Variants in AP3S2 observed in about 807,000 individuals in gnomAD.
AP3S2 encodes the protein adaptor related protein complex 3 subunit sigma 2.
AP3S2 carries 22 observed loss-of-function variants against 23.4 expected under a neutral mutation model. The ratio of observed to expected loss-of-function variants is 0.94; its 90% confidence interval spans 0.67 to 1.34. AP3S2 has a LOEUF of 1.34. Among genes scored for constraint, AP3S2 ranks in the 40% most tolerant of loss-of-function variants. The pLI is 0.00. For missense variants in AP3S2, 241 were observed against 236.9 expected (o/e 1.02, Z -0.11); for synonymous variants, 86 against 87.1 (o/e 0.99, Z 0.07).
intron 3 of AP3S2, among the ~76,000 whole-genome samples, chr15:89,883,763 G>T (rs1483565717): frequency 6.6e-6 from 1 of 152,128 alleles, no homozygotes; most frequent in Non-Finnish European, 1.5e-5. Flanking sequence ...TCTTGGTTTT[G>T]AAACTAAAAT....
intron 4 of AP3S2, among the ~76,000 whole-genome samples, chr15:89,846,492 G>A (rs1212341324): frequency 6.6e-6 from 1 of 152,022 alleles, no homozygotes; most frequent in Non-Finnish European, 1.5e-5. Context: ...CCAGTAGCTG[G>A]GACTACAGGC....
At chr15:89,857,543 TA>T (rs1895870880) in intron 4 of AP3S2, among the ~76,000 whole-genome samples, 1 of 152,228 alleles carries the variant, frequency 6.6e-6, no homozygotes, top group Non-Finnish European at 1.5e-5. Flanking sequence ...AATTTTATTT[TA>T]AGTCATCTTA....
At chr15:89,835,846 G>A (rs1032209590) in intron 5 of AP3S2, among the ~76,000 whole-genome samples, 2 of 152,068 alleles carry the variant, frequency 1.3e-5, no homozygotes, top group Non-Finnish European at 2.9e-5. Flanking sequence ...TGGCCAACAT[G>A]GTGAAACCCC....
intron 4 of AP3S2, chr15:89,848,799 A>C (rs1001049814): frequency 1.3e-5 from 2 of 152,158 alleles, no homozygotes; most frequent in Admixed American, 6.5e-5. Flanking sequence ...CTCTGAGGTG[A>C]CTCAGCACTG....
chr15:89,890,673 G>A (rs1596225715), intron 1 of AP3S2, among the ~76,000 whole-genome samples: 1 of 152,184 alleles, frequency 6.6e-6, no homozygotes, highest in African/African-American at 2.4e-5. Context: ...CACACTTTGA[G>A]TAACGAATCA....
intron 3 of AP3S2, among the ~76,000 whole-genome samples, chr15:89,883,480 C>CA (rs1896620880): frequency 6.6e-6 from 1 of 151,852 alleles, no homozygotes; most frequent in African/African-American, 2.4e-5. Flanking sequence ...ACTGAAACCT[C>CA]AACCCCTTGG....
intron 4 of AP3S2, among the ~76,000 whole-genome samples, chr15:89,865,178 C>T (rs906322112): frequency 2.0e-5 from 3 of 152,108 alleles, no homozygotes; most frequent in Non-Finnish European, 4.4e-5. Flanking sequence ...ACCTCATCCT[C>T]AGTTAGGGAC....
At chr15:89,879,433 A>T (rs8034631) in intron 3 of AP3S2, among the ~76,000 whole-genome samples, 107,828 of 152,000 alleles carry the variant, frequency 0.71, 38,443 homozygotes, top group East Asian at 0.8. Context: ...CAATAGCAAG[A>T]AATTGGGAAA....
chr15:89,892,624 T>C (rs998798342), intron 1 of AP3S2, among the ~76,000 whole-genome samples: 1 of 152,064 alleles, frequency 6.6e-6, no homozygotes, highest in South Asian at 2.1e-4. Flanking sequence ...CAAATACAAA[T>C]AGTTACGCTG....
intron 4 of AP3S2, among the ~76,000 whole-genome samples, chr15:89,867,885 G>T (rs1256789): frequency 0.69 from 77,636 of 112,236 alleles, 26,875 homozygotes; most frequent in East Asian, 0.76. Flanking sequence ...GTGAGGAGCG[G>T]CTCCGCCCGG....
chr15:89,869,636 C>T (rs1214329261), intron 4 of AP3S2, among the ~76,000 whole-genome samples: 1 of 151,498 alleles, frequency 6.6e-6, no homozygotes, highest in African/African-American at 2.4e-5. Context: ...CCTGAATCTA[C>T]ACCTGAGATG....
Position 89,833,052 on chromosome 15 carries a change from C to A in AP3S2, c.*2463G>T, listed in dbSNP as rs1042888463. The stretch of plus-strand genomic sequence containing the variant: ...ATTGGTTTCTGGCAGGCAAAACATT[C>A]AAAATCTAGGCTATCCCAGGAAATC... On this transcript the variant is annotated 3_prime_UTR_variant, in exon 6 of 6. Coordinates refer to ENST00000336418, the MANE Select transcript of AP3S2 (RefSeq NM_005829.5). 6.6e-6 allele frequency: 1 copy of A among 152,220 alleles called. No individual in the cohort carries two copies. Among genetic ancestry groups the A allele is most frequent in the African/African-American group, 2.4e-5 (1 of 41,460 alleles). The allele number at this position is 152,220 out of a possible 1,614,324, so 9.4% of individuals were successfully genotyped here.
intron 3 of AP3S2, among the ~76,000 whole-genome samples, chr15:89,885,694 C>T (rs866795053): frequency 6.6e-6 from 1 of 152,058 alleles, no homozygotes; most frequent in Non-Finnish European, 1.5e-5. Flanking sequence ...GTAATCCCAG[C>T]AATTTGGGAG....
chr15:89,861,649 A>C (rs990989368), intron 4 of AP3S2, among the ~76,000 whole-genome samples: 1 of 152,112 alleles, frequency 6.6e-6, no homozygotes, highest in Non-Finnish European at 1.5e-5. Context: ...CAACAGTTTA[A>C]ATCATGAGCA....
chr15:89,847,727 C>G (rs919401006), intron 4 of AP3S2, among the ~76,000 whole-genome samples: 6 of 152,168 alleles, frequency 3.9e-5, no homozygotes, highest in African/African-American at 1.4e-4. Flanking sequence ...TTACCTTTTA[C>G]TCTAGTAAAA....
chr15:89,884,397 C>T (rs1896643993), intron 3 of AP3S2, among the ~76,000 whole-genome samples: 1 of 151,568 alleles, frequency 6.6e-6, no homozygotes, highest in African/African-American at 2.4e-5. Flanking sequence ...AAAAGAATAT[C>T]TAGTATCTTT....
chr15:89,856,347 GA>G (rs1895835523), intron 4 of AP3S2, among the ~76,000 whole-genome samples: 2 of 152,150 alleles, frequency 1.3e-5, no homozygotes, highest in African/African-American at 4.8e-5. Flanking sequence ...TGGATCACTC[GA>G]GGTCAGGAAT....
intron 4 of AP3S2, among the ~76,000 whole-genome samples, chr15:89,859,290 TTTTC>T (rs1025748200): frequency 1.1e-4 from 17 of 150,942 alleles, no homozygotes; most frequent in South Asian, 4.2e-4. Context: ...TCCTTTTTTC[TTTTC>T]TTTTTCTTCC....
chr15:89,868,004 C>CT (rs1896188225), intron 4 of AP3S2, among the ~76,000 whole-genome samples: 1 of 144,118 alleles, frequency 6.9e-6, no homozygotes, highest in African/African-American at 2.6e-5. Context: ...GTCAGCCCCC[C>CT]GCCCGGCCAG....
Sources: allele counts gnomAD v4.1 joint callset (sites outside exome capture counted in the v4.1 genomes callset), GRCh38; gene constraint gnomAD v4.1.1; transcripts MANE v1.5; gene names NCBI Gene and HGNC (gene_info 2026-07-23, HGNC 2026-07-21).